Variants in PTPRM observed in about 807,000 individuals in gnomAD.
PTPRM encodes protein tyrosine phosphatase receptor type M.
PTPRM carries 47 observed loss-of-function variants against 186.7 expected under a neutral mutation model. That is an observed-to-expected ratio of 0.25 (90% CI 0.20 to 0.32). The LOEUF (loss-of-function observed/expected upper bound fraction) is 0.32, where lower values mean the gene tolerates loss of function less well. Among genes scored for constraint, PTPRM ranks in the 10% least tolerant of loss-of-function variants. PTPRM has a pLI of 1.00. For synonymous variants in PTPRM, 668 were observed against 674.9 expected (o/e 0.99, Z 0.16); for missense variants, 1,494 against 1,865.0 (o/e 0.80, Z 3.66).
intron 1 of PTPRM, among the ~76,000 whole-genome samples, chr18:7,664,130 C>T (rs767124950): frequency 5.9e-5 from 9 of 152,290 alleles, no homozygotes; most frequent in Non-Finnish European, 7.4e-5. Context: ...ATGGGACAGC[C>T]GCAACATCCC....
chr18:8,090,094 G>T (rs2145347882), intron 11 of PTPRM, among the ~76,000 whole-genome samples: 1 of 152,238 alleles, frequency 6.6e-6, no homozygotes, highest in Non-Finnish European at 1.5e-5. Context: ...TGATGTGCTT[G>T]ACACTCCCCA....
At chr18:7,976,506 C>T (rs569112112) in intron 7 of PTPRM, among the ~76,000 whole-genome samples, 2 of 152,278 alleles carry the variant, frequency 1.3e-5, no homozygotes, top group African/African-American at 4.8e-5. Flanking sequence ...ATGTGGGAGG[C>T]TACGCCTAGG....
chr18:7,868,241 TG>T (rs1190516387), intron 2 of PTPRM, among the ~76,000 whole-genome samples: 2 of 152,160 alleles, frequency 1.3e-5, no homozygotes, highest in Non-Finnish European at 2.9e-5. Flanking sequence ...TCCCCACTGG[TG>T]AGGAGTTGTG....
At chr18:7,941,809 T>C (rs115666094) in intron 5 of PTPRM, among the ~76,000 whole-genome samples, 3,502 of 152,322 alleles carry the variant, frequency 0.023, 49 homozygotes, top group African/African-American at 0.045. Context: ...AGAGCTATCA[T>C]AGGAGACATT....
chr18:8,276,295 G>C (rs149898107), intron 19 of PTPRM, among the ~76,000 whole-genome samples: 10 of 152,174 alleles, frequency 6.6e-5, no homozygotes, highest in Non-Finnish European at 1.3e-4. Context: ...CAACTGGACT[G>C]CATCTTCTCT....
chr18:8,112,498 C>T lies in PTPRM; in HGVS notation c.1857-988C>T, dbSNP rs377717773. On this transcript the variant is annotated intron_variant, in intron 11 of 32. Transcript: ENST00000580170. ...TGGGAATTCTGGTGCCTTTCTGATA[C>T]TGTAAGAAAAAGATCCCTCTTCCTG... Among the ~76,000 whole-genome samples the T allele has an allele frequency of 6.6e-5, 10 of 152,164 alleles. No individual in the cohort carries two copies. The East Asian group carries it at 1.5e-3, about 23-fold the overall frequency.
intron 2 of PTPRM, among the ~76,000 whole-genome samples, chr18:7,867,108 G>T (rs1344456436): frequency 6.6e-6 from 1 of 152,058 alleles, no homozygotes; most frequent in African/African-American, 2.4e-5. Flanking sequence ...TGTGAGATGG[G>T]TCTCCTGAAT....
At chr18:8,379,507 G>A (rs947395789) in intron 28 of PTPRM, among the ~76,000 whole-genome samples, 167 bp downstream of exon 28, 7 of 152,034 alleles carry the variant, frequency 4.6e-5, no homozygotes, top group South Asian at 2.1e-4. Flanking sequence ...TTTTTGTGTC[G>A]GGGCTGATAT....
chr18:7,906,987 G>A (rs1212007805), intron 4 of PTPRM, among the ~76,000 whole-genome samples: 3 of 152,112 alleles, frequency 2.0e-5, no homozygotes, highest in Non-Finnish European at 4.4e-5. Flanking sequence ...ATGGTTTCAG[G>A]TGATATAGCT....
intron 1 of PTPRM, among the ~76,000 whole-genome samples, chr18:7,769,886 T>C (rs555006101): frequency 2.0e-5 from 3 of 152,126 alleles, no homozygotes; most frequent in Admixed American, 6.6e-5. Context: ...CGTGTGTGTG[T>C]GAGAGACAGC....
At chr18:8,041,240 GA>G (rs1184898799) in intron 7 of PTPRM, among the ~76,000 whole-genome samples, 6 of 152,208 alleles carry the variant, frequency 3.9e-5, no homozygotes, top group Non-Finnish European at 7.3e-5. Context: ...TTTACCAGGT[GA>G]AATTCATGGC....
At chr18:8,020,761 A>G (rs2085166535) in intron 7 of PTPRM, among the ~76,000 whole-genome samples, 1 of 152,114 alleles carries the variant, frequency 6.6e-6, no homozygotes, top group Admixed American at 6.6e-5. Context: ...CATTGGTGAT[A>G]ATGAAAGAGA....
intron 4 of PTPRM, among the ~76,000 whole-genome samples, chr18:7,912,796 G>A (rs1040512816): frequency 6.6e-6 from 1 of 152,202 alleles, no homozygotes; most frequent in African/African-American, 2.4e-5. Context: ...TGGGATTACA[G>A]GCATGAGCCA....
intron 7 of PTPRM, among the ~76,000 whole-genome samples, chr18:8,003,899 G>T (rs73383878): frequency 6.6e-6 from 1 of 152,120 alleles, no homozygotes; most frequent in Non-Finnish European, 1.5e-5. Context: ...ATAAATATTC[G>T]CTTTCCTTTT....
intron 1 of PTPRM, among the ~76,000 whole-genome samples, chr18:7,584,500 C>T (rs556649935): frequency 1.6e-4 from 24 of 152,216 alleles, no homozygotes; most frequent in Non-Finnish European, 2.9e-4. Context: ...AAAATTGATA[C>T]TCTAATAATA....
rs553114337 is a variant in PTPRM at position 8,072,899 on chromosome 18, A to G, written c.1441+2905A>G. ...CCGTAACTTAATTAGTAGTATATTA[A>G]TTATTTATTCATATTGTTTTAATTT... On this transcript the variant is annotated intron_variant, in intron 8 of 32. Coordinates refer to ENST00000580170, the MANE Select transcript of PTPRM (RefSeq NM_001105244.2). 2.6e-4 allele frequency among the ~76,000 whole-genome samples: 39 copies of G among 152,260 alleles called. No homozygotes were observed. The South Asian group carries it at 7.3e-3, about 28-fold the overall frequency.
intron 20 of PTPRM, among the ~76,000 whole-genome samples, chr18:8,304,112 G>A (rs2095192663): frequency 6.6e-6 from 1 of 152,184 alleles, no homozygotes; most frequent in Non-Finnish European, 1.5e-5. Context: ...AGAGGTGAAA[G>A]ATTATCAGTG....
chr18:8,019,299 A>G (rs998162863), intron 7 of PTPRM, among the ~76,000 whole-genome samples: 2 of 152,220 alleles, frequency 1.3e-5, no homozygotes, highest in Non-Finnish European at 2.9e-5. Flanking sequence ...GATAACATAC[A>G]TTACTTGGAC....
At chr18:8,392,524 G>A (rs1470181386) in intron 31 of PTPRM, among the ~76,000 whole-genome samples, 1 of 152,090 alleles carries the variant, frequency 6.6e-6, no homozygotes, top group African/African-American at 2.4e-5. Context: ...CTACTCGGGA[G>A]GCTGAGGCAG....
Sources: gnomAD v4.1 joint callset for allele counts (sites outside exome capture counted in the v4.1 genomes callset) on GRCh38, gnomAD v4.1.1 for gene constraint, MANE v1.5 for transcripts, NCBI Gene and HGNC (gene_info 2026-07-23, HGNC 2026-07-21) for gene names.